LMBR1: variants seen among roughly 807,000 people sequenced by gnomAD.
The protein encoded by LMBR1 is limb development membrane protein 1, also known as limb region 1 protein homolog.
LMBR1 carries 52 observed loss-of-function variants against 73.9 expected under a neutral mutation model. The observed-to-expected ratio is 0.70, with a 90% CI of 0.56 to 0.89. LMBR1 has a LOEUF of 0.89. Ranked by LOEUF, LMBR1 falls within the 40% of genes least tolerant of loss-of-function variation. LMBR1 has a pLI of 0.00. For synonymous variants in LMBR1, 215 were observed against 209.4 expected (o/e 1.03, Z -0.23); for missense variants, 539 against 579.8 (o/e 0.93, Z 0.72).
chr7:156,704,486 C>T (rs1218418677), intron 15 of LMBR1, among the ~76,000 whole-genome samples: 2 of 151,724 alleles, frequency 1.3e-5, no homozygotes, highest in Non-Finnish European at 2.9e-5. Flanking sequence ...AAATAAGCAG[C>T]AACTATTGCT....
chr7:156,754,201 C>T (rs1027096967), intron 9 of LMBR1, among the ~76,000 whole-genome samples: 3 of 152,138 alleles, frequency 2.0e-5, no homozygotes, highest in African/African-American at 7.2e-5. Flanking sequence ...AAGAACAAAA[C>T]CTCCCAATAG....
At chr7:156,754,013 G>A (rs1019480034) in intron 9 of LMBR1, among the ~76,000 whole-genome samples, 10 of 152,032 alleles carry the variant, frequency 6.6e-5, no homozygotes, top group African/African-American at 2.4e-4. Context: ...GAGACTCAGC[G>A]TCTTAATTCA....
intron 15 of LMBR1, among the ~76,000 whole-genome samples, chr7:156,698,786 C>T (rs1014357558): frequency 6.6e-6 from 1 of 152,122 alleles, no homozygotes; most frequent in Non-Finnish European, 1.5e-5. Flanking sequence ...TCTGACATGC[C>T]CTGGAGACAC....
chr7:156,701,146 C>T (rs546300683), intron 15 of LMBR1, among the ~76,000 whole-genome samples: 1 of 152,304 alleles, frequency 6.6e-6, no homozygotes, highest in African/African-American at 2.4e-5. Context: ...GGTGGGGACA[C>T]AGCCACACCA....
At chr7:156,866,729 G>A (rs1034287213) in intron 1 of LMBR1, among the ~76,000 whole-genome samples, 15 of 151,248 alleles carry the variant, frequency 9.9e-5, no homozygotes, top group Admixed American at 2.6e-4. Flanking sequence ...TCAGCCTCCT[G>A]AGTAGCTGAG....
intron 15 of LMBR1, among the ~76,000 whole-genome samples, chr7:156,694,770 C>T (rs1458195623): frequency 6.6e-6 from 1 of 152,152 alleles, no homozygotes; most frequent in Admixed American, 6.5e-5. Context: ...TTTCTATACA[C>T]TAAGAATGGA....
At chr7:156,714,757 C>T (rs531182427) in intron 15 of LMBR1, among the ~76,000 whole-genome samples, 3 of 152,144 alleles carry the variant, frequency 2.0e-5, no homozygotes, top group Non-Finnish European at 4.4e-5. Context: ...ACCAGAAAGG[C>T]GACTTTCAAA....
chr7:156,826,589 A>G lies in LMBR1; in HGVS notation c.319+16T>C. On this transcript the variant is annotated intron_variant, in intron 4 of 16. Coordinates refer to ENST00000353442, the MANE Select transcript of LMBR1 (RefSeq NM_022458.4). ...TAAAATATTAATTGTGATTATATTA[A>G]GCAATATATACTAACCATGAATCAG... The G allele has an allele frequency of 1.4e-6, 2 of 1,415,060 alleles. No individual in the cohort carries two copies. The highest frequency in any genetic ancestry group is 1.9e-6 in the Non-Finnish European group (2 of 1,060,694). The allele number at this position is 1,415,060 out of a possible 1,614,324, so 87.7% of individuals were successfully genotyped here.
intron 4 of LMBR1, among the ~76,000 whole-genome samples, chr7:156,799,060 G>A (rs1830506585): frequency 6.6e-6 from 1 of 151,844 alleles, no homozygotes; most frequent in African/African-American, 2.4e-5. Context: ...AAATTAGCTG[G>A]GCATGGTGGT....
intron 5 of LMBR1, chr7:156,779,787 C>A: frequency 1.3e-6 from 1 of 778,062 alleles, no homozygotes; most frequent in Non-Finnish European, 1.9e-6. Context: ...ATTAGGAAGC[C>A]TGGGAAAACT....
At chr7:156,699,368 C>G (rs1809098857) in intron 15 of LMBR1, among the ~76,000 whole-genome samples, 2 of 151,936 alleles carry the variant, frequency 1.3e-5, no homozygotes, top group South Asian at 4.1e-4. Context: ...AAAGCTGAAA[C>G]TGGATCCCTT....
intron 15 of LMBR1, among the ~76,000 whole-genome samples, chr7:156,688,421 G>A (rs940655118): frequency 2.9e-4 from 44 of 152,148 alleles, no homozygotes; most frequent in South Asian, 2.1e-4. Flanking sequence ...AGCAAGTGAT[G>A]AGTAATGAGG....
intron 15 of LMBR1, among the ~76,000 whole-genome samples, chr7:156,692,973 G>T (rs1429574323): frequency 6.6e-6 from 1 of 151,822 alleles, no homozygotes; most frequent in African/African-American, 2.4e-5. Context: ...TTATACTGTG[G>T]GATATGCAAA....
At position 156,828,145 on chromosome 7, in the gene LMBR1, C is replaced by T. The variant is rs1161108192; in HGVS notation, c.180-1401G>A. ...CAAAATCTCACCATTCCAGGTCCCA[C>T]ACGGCTATCCCAAGATAATTTTCCA... is the stretch of plus-strand genomic sequence containing the variant. On this transcript the variant is annotated intron_variant, in intron 3 of 16. Coordinates refer to ENST00000353442, the MANE Select transcript of LMBR1 (RefSeq NM_022458.4). Among the ~76,000 whole-genome samples, 3 of 152,302 alleles carry T rather than the reference C, an allele frequency of 2.0e-5. No homozygotes were observed. The East Asian group carries it at 5.8e-4, about 29-fold the overall frequency.
At chr7:156,865,034 G>A (rs1003993953) in intron 1 of LMBR1, among the ~76,000 whole-genome samples, 2 of 150,722 alleles carry the variant, frequency 1.3e-5, no homozygotes, top group Non-Finnish European at 3.0e-5. Context: ...TCAGCCAGGC[G>A]CAGTGGCTCA....
chr7:156,683,786 T>C lies in LMBR1; in HGVS notation c.*292A>G, dbSNP rs535443119. The C allele has an allele frequency of 7.4e-6, 2 of 271,892 alleles. No individual in the cohort carries two copies. The highest frequency in any genetic ancestry group is 1.4e-5 in the Non-Finnish European group (2 of 146,646). 16.8% of individuals were successfully genotyped at this position (271,892 alleles called of 1,614,324 possible). A position where few individuals can be genotyped will look rare whatever the true frequency, so the allele number is the denominator to read the frequency against. On this transcript the variant is annotated 3_prime_UTR_variant, in exon 17 of 17. Coordinates refer to ENST00000353442, the MANE Select transcript of LMBR1 (RefSeq NM_022458.4). ...ATCAGGTGAAAACAATTTTTTCATA[T>C]GGGTGATTGTATTTACCAACATGAG...
Position 156,669,126 on chromosome 7 carries a change from C to T in LMBR1, n.1028G>A, listed in dbSNP as rs1278982455. ...ATGGACTGGCACTTGGAGTTGTGTA[C>T]TTTGTGAGCCTTCATTGTAAAGGGT... On this transcript the variant is annotated non_coding_transcript_exon_variant, in exon 5 of 5. Transcript: ENST00000430825. This position sits in a 1 kb window ranked among gnomAD's most constrained non-coding sequence, Gnocchi z 4.2. 6.6e-6 allele frequency: 1 copy of T among 152,136 alleles called. No individual in the cohort carries two copies. Among genetic ancestry groups the T allele is most frequent in the Non-Finnish European group, 1.5e-5 (1 of 68,034 alleles). The allele number at this position is 152,136 out of a possible 1,614,324, so 9.4% of individuals were successfully genotyped here. A position where few individuals can be genotyped will look rare whatever the true frequency, so the allele number is the denominator to read the frequency against.
chr7:156,740,052 G>C (rs1818606850), intron 9 of LMBR1, among the ~76,000 whole-genome samples: 1 of 151,942 alleles, frequency 6.6e-6, no homozygotes, highest in Non-Finnish European at 1.5e-5. Context: ...CAAAGAGATT[G>C]AAATAATAAA....
At chr7:156,812,309 T>C (rs148895613) in intron 4 of LMBR1, among the ~76,000 whole-genome samples, 6 of 151,590 alleles carry the variant, frequency 4.0e-5, no homozygotes, top group Non-Finnish European at 7.4e-5. Context: ...ATGTGATTTT[T>C]AAACACACAG....
Sources: allele counts gnomAD v4.1 joint callset (sites outside exome capture counted in the v4.1 genomes callset), GRCh38; gene constraint gnomAD v4.1.1; non-coding constraint Gnocchi (gnomAD v3.1); transcripts MANE v1.5; gene names NCBI Gene and HGNC (gene_info 2026-07-23, HGNC 2026-07-21).